Variants in MACROD2 observed in about 807,000 individuals in gnomAD.
The protein encoded by MACROD2 is mono-ADP ribosylhydrolase 2.
In MACROD2, 36 loss-of-function variants were observed where a neutral mutation model predicts 70.4. That is an observed-to-expected ratio of 0.51 (90% CI 0.39 to 0.68). The LOEUF is 0.68. Among genes scored for constraint, MACROD2 ranks in the 30% least tolerant of loss-of-function variants. The pLI is 0.00. For synonymous variants in MACROD2, 172 were observed against 178.8 expected (o/e 0.96, Z 0.30); for missense variants, 496 against 538.4 (o/e 0.92, Z 0.78).
At chr20:15,001,583 A>G (rs924812530) in intron 5 of MACROD2, among the ~76,000 whole-genome samples, 2 of 152,090 alleles carry the variant, frequency 1.3e-5, no homozygotes, top group African/African-American at 4.8e-5. Context: ...TGCTATGTCC[A>G]TTTTCCGTTT....
chr20:14,682,388 A>G (rs2070943132), intron 4 of MACROD2, among the ~76,000 whole-genome samples: 1 of 151,748 alleles, frequency 6.6e-6, no homozygotes, highest in Admixed American at 6.6e-5. Flanking sequence ...CAACTGCTGC[A>G]TATATTTTCA....
In MACROD2 at chr20:14,015,221, T is replaced by C. The variant is rs1033524771; in HGVS notation, c.163+12817T>C. ...TTTTAAATGTTCAGTTTAGTGACAT[T>C]GAGTACATTCACAGTGCTGTGCGAC... is the stretch of plus-strand genomic sequence containing the variant. On this transcript the variant is annotated intron_variant, in intron 2 of 17. Coordinates refer to ENST00000684519, the MANE Select transcript of MACROD2 (RefSeq NM_001351661.2). Among the ~76,000 whole-genome samples, 15 of 152,222 alleles carry C rather than the reference T, an allele frequency of 9.9e-5. 1 individual carries two copies. Among genetic ancestry groups the C allele is most frequent in the African/African-American group, 3.6e-4 (15 of 41,464 alleles).
At chr20:15,844,391 C>G (rs1227760454) in intron 8 of MACROD2, among the ~76,000 whole-genome samples, 1 of 152,236 alleles carries the variant, frequency 6.6e-6, no homozygotes, top group Admixed American at 6.5e-5. Flanking sequence ...TAACTGCTAT[C>G]ATTTAGTGAG....
chr20:15,048,113 T>G (rs1335636640), intron 5 of MACROD2, among the ~76,000 whole-genome samples: 1 of 150,166 alleles, frequency 6.7e-6, no homozygotes, highest in Non-Finnish European at 1.5e-5. Context: ...AATAAATAAA[T>G]AAATAATAAA....
chr20:14,753,533 T>A (rs1394285334), intron 5 of MACROD2, among the ~76,000 whole-genome samples: 2 of 152,132 alleles, frequency 1.3e-5, no homozygotes, highest in African/African-American at 4.8e-5. Context: ...CATTTTTAAT[T>A]CAAATTTCAT....
rs115480284 is a variant in MACROD2 at position 14,755,464 on chromosome 20, A to G, written c.418+70505A>G. ...TTATATGTTTTTAGGTTAGATGTAA[A>G]ATGACCTGAGAACTGCAGCCCTCAT... On this transcript the variant is annotated intron_variant, in intron 5 of 17. Transcript: ENST00000684519. Among the ~76,000 whole-genome samples the G allele has an allele frequency of 2.1e-3, 325 of 152,206 alleles. 3 individuals carry two copies. The highest frequency in any genetic ancestry group is 7.4e-3 in the African/African-American group (306 of 41,494).
intron 5 of MACROD2, among the ~76,000 whole-genome samples, chr20:15,054,787 T>TTTTTG (rs755592175): frequency 1.3e-5 from 2 of 152,078 alleles, no homozygotes; most frequent in African/African-American, 2.4e-5. Context: ...CCACAACTTT[T>TTTTTG]TTTTGTTTTG....
intron 8 of MACROD2, among the ~76,000 whole-genome samples, chr20:15,530,791 G>A (rs978890127): frequency 6.7e-6 from 1 of 149,386 alleles, no homozygotes; most frequent in Non-Finnish European, 1.5e-5. Flanking sequence ...TTCTGATTAT[G>A]TAACAGTCTA....
chr20:14,625,023 G>A (rs1984056533), intron 4 of MACROD2, among the ~76,000 whole-genome samples: 1 of 152,014 alleles, frequency 6.6e-6, no homozygotes, highest in Non-Finnish European at 1.5e-5. Context: ...GGCTGGTGAG[G>A]GACCTAGGAG....
chr20:16,003,829 C>G (rs994238657), intron 15 of MACROD2, among the ~76,000 whole-genome samples: 2 of 152,176 alleles, frequency 1.3e-5, no homozygotes, highest in African/African-American at 4.8e-5. Context: ...CACCACCACG[C>G]CCGGCTAATT....
chr20:14,858,245 G>T (rs1304138966), intron 5 of MACROD2, among the ~76,000 whole-genome samples: 1 of 152,036 alleles, frequency 6.6e-6, no homozygotes, highest in African/African-American at 2.4e-5. Context: ...TGATAAATAC[G>T]CCCCAAGGGT....
At chr20:15,279,361 T>C (rs1049763990) in intron 6 of MACROD2, among the ~76,000 whole-genome samples, 1 of 152,132 alleles carries the variant, frequency 6.6e-6, no homozygotes, top group African/African-American at 2.4e-5. Context: ...GCCTGGCTAC[T>C]TTCTACAGAA....
At chr20:14,039,029 A>AT (rs2053354266) in intron 2 of MACROD2, among the ~76,000 whole-genome samples, 1 of 152,194 alleles carries the variant, frequency 6.6e-6, no homozygotes, top group African/African-American at 2.4e-5. Flanking sequence ...AAACTGGAGT[A>AT]TTAACATATG....
chr20:14,978,370 G>C (rs1324396), intron 5 of MACROD2, among the ~76,000 whole-genome samples: 14 of 146,728 alleles, frequency 9.5e-5, no homozygotes, highest in African/African-American at 1.0e-4. Context: ...CCCTCTCCGC[G>C]CCCCGCCCCC....
chr20:15,872,277 A>T (rs1245800339), intron 9 of MACROD2, among the ~76,000 whole-genome samples: 1 of 152,172 alleles, frequency 6.6e-6, no homozygotes. Flanking sequence ...ATAATGAAGC[A>T]CACAGTGTCA....
intron 5 of MACROD2, among the ~76,000 whole-genome samples, chr20:14,966,642 G>A (rs552484219): frequency 6.6e-6 from 1 of 152,134 alleles, no homozygotes; most frequent in Non-Finnish European, 1.5e-5. Context: ...ATTCTTCTGA[G>A]CTCTGTCATC....
intron 3 of MACROD2, among the ~76,000 whole-genome samples, chr20:14,341,199 A>G (rs984590394): frequency 6.6e-5 from 10 of 152,226 alleles, no homozygotes; most frequent in African/African-American, 2.4e-4. Flanking sequence ...GTAGGACTAG[A>G]TGATCCCCAA....
intron 6 of MACROD2, among the ~76,000 whole-genome samples, chr20:15,317,179 G>A (rs918286613): frequency 1.3e-5 from 2 of 151,996 alleles, no homozygotes; most frequent in Middle Eastern, 3.2e-3. Flanking sequence ...CCCAAGGCTT[G>A]TATTAAAAAA....
At chr20:14,375,587 T>C (rs1568583822) in intron 3 of MACROD2, among the ~76,000 whole-genome samples, 1 of 152,036 alleles carries the variant, frequency 6.6e-6, no homozygotes, top group African/African-American at 2.4e-5. Flanking sequence ...GGGTTGGGGC[T>C]TTTCTAGGTG....
Sources: allele counts gnomAD v4.1 joint callset (sites outside exome capture counted in the v4.1 genomes callset), GRCh38; gene constraint gnomAD v4.1.1; transcripts MANE v1.5; gene names NCBI Gene and HGNC (gene_info 2026-07-23, HGNC 2026-07-21).